The following DDR2 variants were observed in gnomAD, a reference collection of about 807,000 sequenced individuals.
The protein encoded by DDR2 is discoidin domain receptor tyrosine kinase 2, also known as discoidin domain-containing receptor 2.
In DDR2, 27 loss-of-function variants were observed where a neutral mutation model predicts 94.9. That is an observed-to-expected ratio of 0.28 (90% CI 0.21 to 0.39). DDR2 has a LOEUF of 0.39. DDR2 is among the 10% of genes least tolerant of loss of function. The pLI is 1.00. For missense variants in DDR2, 783 were observed against 1,076.0 expected, an observed-to-expected ratio of 0.73 and a Z score of 3.81; for synonymous variants, 382 against 377.2, an observed-to-expected ratio of 1.01 and a Z score of -0.15.
At position 162,772,030 on chromosome 1, in the gene DDR2, G is replaced by T; in HGVS notation, c.1511G>T (p.Ser504Ile). The change falls in exon 13 of 18, where the codon AGC becomes ATC. Residue 504 changes from serine (S) to isoleucine (I), a missense_variant. Physicochemically the swap from Ser to Ile is moderately radical, Grantham distance 142. Transcript: ENST00000367921. ...GTTGCCCTTGTCTTCCCAGGCTGCA[G>T]CGGTGTTGTGAAGCCAGTCCAGCCC... ...FAPGEEESGC[S>I]GVVKPVQPSG... 2 of 1,605,984 alleles carry T rather than the reference G, an allele frequency of 1.2e-6. No homozygotes were observed. Among genetic ancestry groups the T allele is most frequent in the Non-Finnish European group, 1.7e-6 (2 of 1,176,384 alleles).
intron 3 of DDR2, among the ~76,000 whole-genome samples, chr1:162,727,048 T>C (rs1316381121): frequency 1.4e-5 from 2 of 145,220 alleles, no homozygotes; most frequent in African/African-American, 5.0e-5. Context: ...ATTATAAATA[T>C]TATAATAAAT....
intron 2 of DDR2, among the ~76,000 whole-genome samples, chr1:162,696,484 C>T (rs1660198299): frequency 6.6e-6 from 1 of 151,904 alleles, no homozygotes; most frequent in Non-Finnish European, 1.5e-5. Flanking sequence ...TTCTGTTTCC[C>T]TCTCGGTGTC....
chr1:162,637,997 CT>C (rs1656921314), intron 1 of DDR2, among the ~76,000 whole-genome samples: 1 of 152,066 alleles, frequency 6.6e-6, no homozygotes, highest in Non-Finnish European at 1.5e-5. Context: ...CTTTTTCCTC[CT>C]TTTTGGGACT....
chr1:162,657,519 G>A (rs901441082), intron 2 of DDR2, among the ~76,000 whole-genome samples: 4 of 152,180 alleles, frequency 2.6e-5, no homozygotes, highest in African/African-American at 7.2e-5. Context: ...GTAGCCACCT[G>A]CTTTTCAAAG....
In DDR2 at chr1:162,759,976, G is replaced by T; in HGVS notation, c.852G>T (p.Met284Ile). Residue 284 changes from methionine (M) to isoleucine (I), a missense_variant, in exon 8 of 18, where the codon ATG becomes ATT. Physicochemically the swap from Met to Ile is conservative, Grantham distance 10. Around this residue, in one of 2 missense-constraint regions of DDR2, gnomAD observed 519 missense variants for 647.9 expected, o/e 0.80. Transcript: ENST00000367921. ...ACCGCATCAGGAATTTCACTACCAT[G>T]AAGGTCAGTGGGGTCGGGTGTGGTG... Reference protein sequence around the residue: ...EFDRIRNFTTMKVHCNNMFAK... With the variant: ...EFDRIRNFTTIKVHCNNMFAK... The T allele has an allele frequency of 6.2e-7, 1 of 1,614,130 alleles. No individual in the cohort carries two copies. Among genetic ancestry groups the T allele is most frequent in the Non-Finnish European group, 8.5e-7 (1 of 1,180,010 alleles).
rs962385225 is a variant in DDR2, at chr1:162,784,205, A to G, written c.*3959A>G. 1.3e-5 allele frequency: 2 copies of G among 152,486 alleles called. No individual in the cohort carries two copies. 9.4% of individuals were successfully genotyped at this position (152,486 alleles called of 1,614,324 possible). ...AACCATATGTTTTGAGTAAAGGAGA[A>G]TAGAAGAAGGGGAGTGTCCGCAAAA... On this transcript the variant is annotated 3_prime_UTR_variant, in exon 18 of 18. Coordinates refer to ENST00000367921, the MANE Select transcript of DDR2 (RefSeq NM_006182.4).
At chr1:162,770,613 C>A in intron 12 of DDR2, 101 bp downstream of exon 12, 2 of 1,136,822 alleles carry the variant, frequency 1.8e-6, no homozygotes, top group Non-Finnish European at 2.6e-6. Context: ...TATTTTTAGT[C>A]TCTGCTAACC....
chr1:162,730,775 AG>A (rs775680688), intron 3 of DDR2, among the ~76,000 whole-genome samples: 1 of 152,214 alleles, frequency 6.6e-6, no homozygotes, highest in Non-Finnish European at 1.5e-5. Context: ...TCAAAAAATC[AG>A]CTCAGCTCTT....
At chr1:162,709,899 GT>G (rs1201856341) in intron 2 of DDR2, among the ~76,000 whole-genome samples, 2 of 152,162 alleles carry the variant, frequency 1.3e-5, no homozygotes, top group Non-Finnish European at 2.9e-5. Flanking sequence ...CTAAAATACT[GT>G]TTTGTATCTG....
At chr1:162,749,587 G>C (rs549827502) in intron 3 of DDR2, among the ~76,000 whole-genome samples, 43 of 152,192 alleles carry the variant, frequency 2.8e-4, no homozygotes, top group Non-Finnish European at 5.1e-4. Flanking sequence ...ACAAAGAATA[G>C]CTGGTACCAT....
chr1:162,712,153 G>T (rs1471835197), intron 2 of DDR2, among the ~76,000 whole-genome samples: 6 of 150,572 alleles, frequency 4.0e-5, no homozygotes, highest in Non-Finnish European at 1.5e-5. Context: ...TGCTAAGGCA[G>T]TTGGAAAAGA....
At chr1:162,733,041 C>A (rs891473805) in intron 3 of DDR2, among the ~76,000 whole-genome samples, 18 of 152,174 alleles carry the variant, frequency 1.2e-4, no homozygotes, top group African/African-American at 4.1e-4. Flanking sequence ...CTTCTCTGTC[C>A]GGGAGATTGG....
chr1:162,769,179 CAGGTAAA>C (rs1403929316), intron 11 of DDR2, among the ~76,000 whole-genome samples: 1 of 152,134 alleles, frequency 6.6e-6, no homozygotes, highest in African/African-American at 2.4e-5. Flanking sequence ...TTGGAATCTC[CAGGTAAA>C]AGGTAGAGCA....
intron 2 of DDR2, among the ~76,000 whole-genome samples, chr1:162,666,302 T>C (rs1204031075): frequency 2.0e-5 from 3 of 152,264 alleles, no homozygotes; most frequent in African/African-American, 7.2e-5. Flanking sequence ...GGCAGAAAGC[T>C]TGCCTTGTTC....
chr1:162,653,037 G>A (rs1657778708), intron 1 of DDR2, among the ~76,000 whole-genome samples: 1 of 152,150 alleles, frequency 6.6e-6, no homozygotes, highest in Non-Finnish European at 1.5e-5. Flanking sequence ...ACCAAGAGGT[G>A]GAGGTTGCAG....
chr1:162,780,412 C>CAT lies in DDR2; in HGVS notation c.*170_*171dup. ...TCACCCCCACTCCCTACCCCTGACT[C>CAT]ATATACACTTTTTTTTTTTTTTACA... On this transcript the variant is annotated 3_prime_UTR_variant, in exon 18 of 18. Coordinates refer to ENST00000367921, the MANE Select transcript of DDR2 (RefSeq NM_006182.4). 2.1e-5 allele frequency: 16 copies of CAT among 761,808 alleles called. No individual in the cohort carries two copies. Among genetic ancestry groups the CAT allele is most frequent in the African/African-American group, 2.6e-5 (1 of 38,836 alleles). 47.2% of individuals were successfully genotyped at this position (761,808 alleles called of 1,614,324 possible).
intron 2 of DDR2, among the ~76,000 whole-genome samples, chr1:162,660,972 G>A (rs79321898): frequency 0.034 from 5,168 of 152,294 alleles, 139 homozygotes; most frequent in East Asian, 0.13. Context: ...GCTTATGTGA[G>A]TGACTCTAAA....
rs1459695070 is a variant in DDR2 at position 162,673,606 on chromosome 1, T to TGA, written c.-28+18233_-28+18234insAG. Among the ~76,000 whole-genome samples, 268 of 101,066 alleles carry TGA rather than the reference T, an allele frequency of 2.7e-3. 1 individual carries two copies. Among genetic ancestry groups the TGA allele is most frequent in the Admixed American group, 0.017 (175 of 10,120 alleles). 66.3% of individuals were successfully genotyped at this position (101,066 alleles called of 152,430 possible). On this transcript the variant is annotated intron_variant, in intron 2 of 17. Coordinates refer to ENST00000367921, the MANE Select transcript of DDR2 (RefSeq NM_006182.4). ...GTGTGTGTGTGTGTATGTGTGTGTG[T>TGA]GTGAGAGAGAGAGAGAGAGAGAGAG...
In DDR2 at chr1:162,710,369, G is replaced by A. The variant is rs567823256; in HGVS notation, c.-27-8668G>A. Among the ~76,000 whole-genome samples the A allele has an allele frequency of 1.5e-3, 221 of 152,200 alleles. 1 individual carries two copies. Among genetic ancestry groups the A allele is most frequent in the African/African-American group, 5.1e-3 (211 of 41,526 alleles). ...CTGGGCCTTTGGCTCCACACTGAGG[G>A]GCTGCATTTTGAGAATCACGAGGTT... On this transcript the variant is annotated intron_variant, in intron 2 of 17. Transcript: ENST00000367921.
Sources: allele counts gnomAD v4.1 joint callset (sites outside exome capture counted in the v4.1 genomes callset), GRCh38; gene constraint gnomAD v4.1.1; regional missense constraint gnomAD v4.1.1; transcripts MANE v1.5; gene names NCBI Gene and HGNC (gene_info 2026-07-23, HGNC 2026-07-21).